DNM1: variants seen among roughly 807,000 people sequenced by gnomAD.
The protein encoded by DNM1 is dynamin 1.
A neutral mutation model predicts 104.6 loss-of-function variants in DNM1; 29 were observed. That is an observed-to-expected ratio of 0.28 (90% CI 0.21 to 0.38). DNM1 has a LOEUF of 0.38. DNM1 is among the 10% of genes least tolerant of loss of function. DNM1 has a pLI of 1.00. For synonymous variants in DNM1, 445 were observed against 475.8 expected, an observed-to-expected ratio of 0.94 and a Z score of 0.84; for missense variants, 640 against 1,189.4, an observed-to-expected ratio of 0.54 and a Z score of 6.79.
rs1050552415 is a variant in DNM1 at position 128,250,827 on chromosome 9, C to T, written c.2421C>T (p.Ser807=). 5 of 1,308,936 alleles carry T rather than the reference C, an allele frequency of 3.8e-6. No individual in the cohort carries two copies. Among genetic ancestry groups the T allele is most frequent in the East Asian group, 3.1e-5 (1 of 32,308 alleles). 81.1% of individuals were successfully genotyped at this position (1,308,936 alleles called of 1,614,324 possible). Residue 807 remains serine, a synonymous_variant, in exon 21 of 22, where the codon TCC becomes TCT. Transcript: ENST00000372923. ...CTCCTGGGCCTCCGCCTGCTGGGTCCGCCCTGGGGGGGGCGCCCCCCGTGC... is the reference window on the plus strand; with the variant it reads ...CTCCTGGGCCTCCGCCTGCTGGGTCTGCCCTGGGGGGGGCGCCCCCCGTGC... ...GPAPGPPPAG[S]ALGGAPPVPS...
rs983017822 is a variant in DNM1, at chr9:128,247,749, G to A, written c.1894-175G>A. Among the ~76,000 whole-genome samples, 1 of 152,150 alleles carries A rather than the reference G, an allele frequency of 6.6e-6. No individual in the cohort carries two copies. The highest frequency in any genetic ancestry group is 1.5e-5 in the Non-Finnish European group (1 of 68,022). ...CCCCTTTCTATGATGGTAGTTTCTTGTGACTGCCTTCTCTTTTCTCCCCTA... is the reference window on the plus strand; with the variant it reads ...CCCCTTTCTATGATGGTAGTTTCTTATGACTGCCTTCTCTTTTCTCCCCTA... On this transcript the variant is annotated intron_variant, in intron 17 of 21. Transcript: ENST00000372923. The surrounding 1 kb of genome is among the most constrained non-coding windows in gnomAD (Gnocchi z 5.1).
At chr9:128,241,527 T>C (rs1205409327) in intron 14 of DNM1, among the ~76,000 whole-genome samples, 2 of 152,206 alleles carry the variant, frequency 1.3e-5, no homozygotes, top group Non-Finnish European at 2.9e-5. Context: ...AAATATGTAT[T>C]GATCACTTAC....
rs1195844547 is a variant in DNM1, at chr9:128,247,732, T to A, written c.1894-192T>A. ...GATGGCATTTCCTCCATCCCCTTTC[T>A]ATGATGGTAGTTTCTTGTGACTGCC... On this transcript the variant is annotated intron_variant, in intron 17 of 21. Transcript: ENST00000372923. The surrounding 1 kb of genome is among the most constrained non-coding windows in gnomAD (Gnocchi z 5.1). Among the ~76,000 whole-genome samples, 4 of 152,218 alleles carry A rather than the reference T, an allele frequency of 2.6e-5. No homozygotes were observed. Among genetic ancestry groups the A allele is most frequent in the Admixed American group, 1.3e-4 (2 of 15,284 alleles).
At position 128,250,128 on chromosome 9, in the gene DNM1, T is replaced by C; in HGVS notation, c.2090T>C (p.Ile697Thr). Residue 697 changes from isoleucine (I) to threonine (T), a missense_variant, in exon 20 of 22, where the codon ATC (isoleucine) becomes ACC (threonine). Ile to Thr is a moderately conservative substitution (Grantham distance 89, BLOSUM62 -1). Transcript: ENST00000372923. ...HLMINNTKEF[I>T]FSELLANLYS... ...GCCTACTCGCAGACCAAGGAGTTCATCTTCTCGGAGCTGCTGGCCAACCTG... is the reference window on the plus strand; with the variant it reads ...GCCTACTCGCAGACCAAGGAGTTCACCTTCTCGGAGCTGCTGGCCAACCTG... The C allele has an allele frequency of 1.2e-6, 2 of 1,614,128 alleles. No homozygotes were observed. The highest frequency in any genetic ancestry group is 1.7e-6 in the Non-Finnish European group (2 of 1,179,996).
chr9:128,222,607 C>G lies in DNM1; in HGVS notation c.1128+11C>G, dbSNP rs761415279. 3.5e-5 allele frequency: 57 copies of G among 1,613,998 alleles called. 1 individual carries two copies. The Admixed American group carries it at 6.7e-4, about 19-fold the overall frequency. ...TTCGAGCTGGTCAAGGTAGGTCAGGCAGCCCTGGGGACAGGATGGCTCAGG... is the reference window on the plus strand; with the variant it reads ...TTCGAGCTGGTCAAGGTAGGTCAGGGAGCCCTGGGGACAGGATGGCTCAGG... On this transcript the variant is annotated intron_variant, in intron 8 of 21. Transcript: ENST00000372923. The surrounding 1 kb of genome is among the most constrained non-coding windows in gnomAD (Gnocchi z 7.8).
Position 128,218,291 on chromosome 9 carries a change from C to T in DNM1, c.222C>T (p.Val74=). The stretch of plus-strand genomic sequence containing the variant: ...GACGTCCCCTGGTCTTGCAGCTGGT[C>T]AATGCAACCACAGGTACGTGCCCTC... ...VTRRPLVLQL[V]NATTEYAEFL... is the part of the protein sequence containing the mutation. Residue 74 remains valine, a synonymous_variant, in exon 2 of 22, where the codon GTC becomes GTT. Coordinates refer to ENST00000372923, the MANE Select transcript of DNM1 (RefSeq NM_004408.4). This position sits in a 1 kb window ranked among gnomAD's most constrained non-coding sequence, Gnocchi z 4.8. 2 of 1,614,122 alleles carry T rather than the reference C, an allele frequency of 1.2e-6. No individual in the cohort carries two copies. Among genetic ancestry groups the T allele is most frequent in the Non-Finnish European group, 1.7e-6 (2 of 1,180,006 alleles).
intron 4 of DNM1, 40 bp downstream of exon 4, chr9:128,219,292 C>A: frequency 1.3e-6 from 2 of 1,554,886 alleles, no homozygotes; most frequent in Non-Finnish European, 8.9e-7. Flanking sequence ...AAACCCCAGG[C>A]TTGCAGGCTG....
At position 128,222,300 on chromosome 9, in the gene DNM1, G is replaced by A. The variant is rs376056729; in HGVS notation, c.953G>A (p.Arg318His). 2.5e-6 allele frequency: 4 copies of A among 1,614,060 alleles called. No individual in the cohort carries two copies. Among genetic ancestry groups the A allele is most frequent in the East Asian group, 4.5e-5 (2 of 44,884 alleles). ...GAGGTGGAGGAATACAAGAACTTCC[G>A]CCCTGATGACCCAGCTCGCAAGACC... The part of the protein sequence containing the change: ...EKEVEEYKNF[R>H]PDDPARKTKA... The change falls in exon 7 of 22, where the codon CGC becomes CAC. Residue 318 changes from arginine (R) to histidine (H), a missense_variant. Around this residue, in one of 7 missense-constraint regions of DNM1, gnomAD observed 81 missense variants for 99.8 expected, o/e 0.81. Transcript: ENST00000372923. This position sits in a 1 kb window ranked among gnomAD's most constrained non-coding sequence, Gnocchi z 7.8.
Position 128,247,782 on chromosome 9 carries a change from G to A in DNM1, c.1894-142G>A, listed in dbSNP as rs1836917227. On this transcript the variant is annotated intron_variant, in intron 17 of 21. Coordinates refer to ENST00000372923, the MANE Select transcript of DNM1 (RefSeq NM_004408.4). This position sits in a 1 kb window ranked among gnomAD's most constrained non-coding sequence, Gnocchi z 5.1. ...CTTCTCTTTTCTCCCCTATTTCACT[G>A]TGGCGATGTCTAGAGTAGCCTGAGA... 9.0e-7 allele frequency: 1 copy of A among 1,106,636 alleles called. No individual in the cohort carries two copies. The highest frequency in any genetic ancestry group is 2.3e-5 in the Admixed American group (1 of 44,000). The allele number at this position is 1,106,636 out of a possible 1,614,324, so 68.6% of individuals were successfully genotyped here.
Position 128,224,102 on chromosome 9 carries a change from T to G in DNM1, c.1197-149T>G. The G allele has an allele frequency of 3.0e-6, 3 of 991,442 alleles. No homozygotes were observed. The highest frequency in any genetic ancestry group is 4.3e-6 in the Non-Finnish European group (3 of 703,724). 61.4% of individuals were successfully genotyped at this position (991,442 alleles called of 1,614,324 possible). A position where few individuals can be genotyped will look rare whatever the true frequency, so the allele number is the denominator to read the frequency against. ...CCTTCATTAGAACCCCTCCCTCCCA[T>G]TTTACAACTGGGGACACTGAGGCCC... On this transcript the variant is annotated intron_variant, in intron 9 of 21. Coordinates refer to ENST00000372923, the MANE Select transcript of DNM1 (RefSeq NM_004408.4). This position sits in a 1 kb window ranked among gnomAD's most constrained non-coding sequence, Gnocchi z 4.3.
chr9:128,244,142 A>AGGG lies in DNM1; in HGVS notation c.1671+1800_1671+1802dup, dbSNP rs33959475. ...GGTGTAAAAGCAGGTGTGTGTGGGGAGGGGGCTCTAGGAGGGAGGGTGTGA... is the reference window on the plus strand; with the variant it reads ...GGTGTAAAAGCAGGTGTGTGTGGGGAGGGGGGGGCTCTAGGAGGGAGGGTGTGA... On this transcript the variant is annotated intron_variant, in intron 15 of 21. Transcript: ENST00000372923. Among the ~76,000 whole-genome samples, 202 of 147,040 alleles carry AGGG rather than the reference A, an allele frequency of 1.4e-3. 1 individual carries two copies. Among genetic ancestry groups the AGGG allele is most frequent in the African/African-American group, 4.9e-3 (192 of 39,232 alleles).
intron 9 of DNM1, chr9:128,223,091 C>T (rs576993318): frequency 1.3e-4 from 72 of 541,558 alleles, no homozygotes; most frequent in African/African-American, 5.3e-4. Context: ...CAGCCCAGGG[C>T]GCAGGTGGCC....
In DNM1 at chr9:128,218,620, AC is replaced by A. The variant is rs1834754920; in HGVS notation, c.276del (p.Asp93ThrfsTer38). 6.2e-7 allele frequency: 1 copy of A among 1,613,322 alleles called. No homozygotes were observed. Among genetic ancestry groups the A allele is most frequent in the Non-Finnish European group, 8.5e-7 (1 of 1,179,614 alleles). Reference sequence around the variant, plus strand: ...CCTGCACTGCAAGGGAAAGAAATTCACCGACTTCGAGGAGGTGCGCCTTGAG... The same window carrying A: ...CCTGCACTGCAAGGGAAAGAAATTCACGACTTCGAGGAGGTGCGCCTTGAG... ...EFLHCKGKKF[T>X]DFEEVRLEIE... On this transcript the variant is annotated frameshift_variant, in exon 3 of 22. Coordinates refer to ENST00000372923, the MANE Select transcript of DNM1 (RefSeq NM_004408.4). LOFTEE classifies it high-confidence loss of function. The surrounding 1 kb of genome is among the most constrained non-coding windows in gnomAD (Gnocchi z 4.8).
Position 128,220,241 on chromosome 9 carries a change from C to A in DNM1, c.749C>A (p.Ala250Asp). The A allele has an allele frequency of 6.2e-7, 1 of 1,614,228 alleles. No individual in the cohort carries two copies. Among genetic ancestry groups the A allele is most frequent in the Non-Finnish European group, 8.5e-7 (1 of 1,180,040 alleles). The change falls in exon 6 of 22, where the codon GCC becomes GAC. Residue 250 changes from alanine (A) to aspartate (D), a missense_variant. Ala to Asp is a moderately radical substitution (Grantham distance 126). Transcript: ENST00000372923. This position sits in a 1 kb window ranked among gnomAD's most constrained non-coding sequence, Gnocchi z 5.2. ...KDIDGKKDIT[A>D]ALAAERKFFL... The stretch of plus-strand genomic sequence containing the variant: ...ATTGATGGCAAGAAGGACATTACCG[C>A]CGCCTTGGCTGCTGAACGAAAGTTC...
chr9:128,241,129 G>A (rs759633932), intron 14 of DNM1: 3 of 152,282 alleles, frequency 2.0e-5, no homozygotes, highest in Non-Finnish European at 2.9e-5. Context: ...GGTTCTCAGG[G>A]AACCAGAGAG....
chr9:128,219,013 C>T (rs1198775257), intron 3 of DNM1, 36 bp from the exon 4 acceptor site: 11 of 1,609,544 alleles, frequency 6.8e-6, no homozygotes, highest in Admixed American at 3.3e-5. Context: ...GGCCACGCCC[C>T]TCGCCTTGAG....
In DNM1 at chr9:128,248,321, C is replaced by G; in HGVS notation, c.1906-262C>G. Reference sequence around the variant, plus strand: ...CCTGGGTGACAAAGCAAGACTTTCTCAAAATAATAATAATAATAATTTCTG... The same window carrying G: ...CCTGGGTGACAAAGCAAGACTTTCTGAAAATAATAATAATAATAATTTCTG... On this transcript the variant is annotated intron_variant, in intron 18 of 21. Coordinates refer to ENST00000372923, the MANE Select transcript of DNM1 (RefSeq NM_004408.4). The surrounding 1 kb of genome is among the most constrained non-coding windows in gnomAD (Gnocchi z 5.6). 2.0e-6 allele frequency: 1 copy of G among 498,404 alleles called. No individual in the cohort carries two copies. Among genetic ancestry groups the G allele is most frequent in the Non-Finnish European group, 3.6e-6 (1 of 279,922 alleles). 30.9% of individuals were successfully genotyped at this position (498,404 alleles called of 1,614,324 possible). A position where few individuals can be genotyped will look rare whatever the true frequency, so the allele number is the denominator to read the frequency against.
In DNM1 at chr9:128,247,195, T is replaced by G; in HGVS notation, c.1782-180T>G. On this transcript the variant is annotated intron_variant, in intron 16 of 21. Transcript: ENST00000372923. This position sits in a 1 kb window ranked among gnomAD's most constrained non-coding sequence, Gnocchi z 5.1. ...CAGTGACCCAAGGAGGCAGGAATTA[T>G]TATTAACCCATCTTCCCAGTGAGGA... 1.9e-6 allele frequency: 1 copy of G among 522,978 alleles called. No homozygotes were observed. 32.4% of individuals were successfully genotyped at this position (522,978 alleles called of 1,614,324 possible). A position where few individuals can be genotyped will look rare whatever the true frequency, so the allele number is the denominator to read the frequency against.
Position 128,234,095 on chromosome 9 carries a change from C to T in DNM1, c.1410C>T (p.Arg470=). Residue 470 remains arginine (R), a synonymous_variant, in exon 11 of 22, where the codon CGC becomes CGT. Coordinates refer to ENST00000372923, the MANE Select transcript of DNM1 (RefSeq NM_004408.4). ...VTTHIREREG[R]TKEQVMLLID... ...CCCACATCCGGGAGCGCGAGGGCCG[C>T]ACTAAGGAGCAGGTGAGCCCCGCAG... 1 of 1,561,362 alleles carries T rather than the reference C, an allele frequency of 6.4e-7. No homozygotes were observed. The highest frequency in any genetic ancestry group is 8.7e-7 in the Non-Finnish European group (1 of 1,153,566).
Sources: allele counts gnomAD v4.1 joint callset (sites outside exome capture counted in the v4.1 genomes callset), GRCh38; gene constraint gnomAD v4.1.1; regional missense constraint gnomAD v4.1.1; non-coding constraint Gnocchi (gnomAD v3.1); transcripts MANE v1.5; gene names NCBI Gene and HGNC (gene_info 2026-07-23, HGNC 2026-07-21).